KHDRBS3: variants seen among roughly 807,000 people sequenced by gnomAD.
KHDRBS3 encodes KH domain-containing, RNA-binding, signal transduction-associated protein 3.
Under a neutral mutation model 45.6 loss-of-function variants are expected in KHDRBS3, and 23 were observed. That is an observed-to-expected ratio of 0.50 (90% CI 0.36 to 0.72). The LOEUF is 0.72. Among genes scored for constraint, KHDRBS3 ranks in the 30% least tolerant of loss-of-function variants. KHDRBS3 has a pLI of 0.00. For synonymous variants in KHDRBS3, 162 were observed against 156.5 expected, an observed-to-expected ratio of 1.04 and a Z score of -0.26; for missense variants, 352 against 424.8, an observed-to-expected ratio of 0.83 and a Z score of 1.51.
chr8:135,475,978 C>A (rs76671906), intron 1 of KHDRBS3, among the ~76,000 whole-genome samples: 59 of 152,304 alleles, frequency 3.9e-4, no homozygotes, highest in Non-Finnish European at 7.5e-4. Flanking sequence ...TATGGAGTTA[C>A]TTTGTCTTGC....
chr8:135,460,951 A>G (rs1449515131), intron 1 of KHDRBS3, among the ~76,000 whole-genome samples: 1 of 152,220 alleles, frequency 6.6e-6, no homozygotes, highest in Admixed American at 6.5e-5. Context: ...GATGACAATA[A>G]GAGATATACT....
chr8:135,611,678 G>T (rs1829712138), intron 7 of KHDRBS3, among the ~76,000 whole-genome samples: 1 of 151,798 alleles, frequency 6.6e-6, no homozygotes, highest in African/African-American at 2.4e-5. Context: ...AGTCAGATTG[G>T]ATTAGAACCC....
chr8:135,538,504 A>C (rs148931051), intron 2 of KHDRBS3: 6 of 152,204 alleles, frequency 3.9e-5, no homozygotes, highest in African/African-American at 1.4e-4. Context: ...GGGTGGGGAG[A>C]TTTTGTAATC....
At chr8:135,650,250 G>T (rs1831401974), downstream of KHDRBS3, among the ~76,000 whole-genome samples, 1 of 152,084 alleles carries the variant, frequency 6.6e-6, no homozygotes, top group South Asian at 2.1e-4. Context: ...ACACAACTTT[G>T]CTATTGCCTG....
At chr8:135,630,466 A>G (rs1271867817) in intron 7 of KHDRBS3, among the ~76,000 whole-genome samples, 1 of 60,880 alleles carries the variant, frequency 1.6e-5, no homozygotes, top group Non-Finnish European at 3.6e-5. Context: ...TCTACCCACA[A>G]TGAGTTATAA....
chr8:135,546,202 C>T (rs1197873819), intron 3 of KHDRBS3, among the ~76,000 whole-genome samples: 1 of 151,356 alleles, frequency 6.6e-6, no homozygotes, highest in Non-Finnish European at 1.5e-5. Context: ...GTATTATAAT[C>T]AGATAGTCAC....
chr8:135,636,307 T>C (rs1208507066), intron 7 of KHDRBS3, among the ~76,000 whole-genome samples: 1 of 152,178 alleles, frequency 6.6e-6, no homozygotes, highest in African/African-American at 2.4e-5. Context: ...ATAGTTGAGA[T>C]TTAATAAAAT....
chr8:135,469,614 T>C (rs1384789599), intron 1 of KHDRBS3, among the ~76,000 whole-genome samples: 1 of 148,104 alleles, frequency 6.8e-6, no homozygotes, highest in Non-Finnish European at 1.5e-5. Context: ...CTGAAACGTC[T>C]GCCTCCCAGG....
chr8:135,570,287 A>G (rs1827639067), intron 5 of KHDRBS3, among the ~76,000 whole-genome samples: 1 of 152,220 alleles, frequency 6.6e-6, no homozygotes, highest in African/African-American at 2.4e-5. Context: ...TACATACTGA[A>G]TAGAAAAGTT....
chr8:135,489,253 G>A (rs1357313042), intron 1 of KHDRBS3, among the ~76,000 whole-genome samples: 3 of 151,964 alleles, frequency 2.0e-5, no homozygotes, highest in African/African-American at 7.3e-5. Context: ...TTTTTGTTTG[G>A]TTTTGTTCTA....
chr8:135,649,336 T>C (rs1477066691), downstream of KHDRBS3, among the ~76,000 whole-genome samples: 2 of 152,224 alleles, frequency 1.3e-5, no homozygotes, highest in Non-Finnish European at 2.9e-5. Context: ...GTGAAAATGA[T>C]GCTTATCCCA....
At chr8:135,608,391 A>T (rs1292461382) in intron 7 of KHDRBS3, among the ~76,000 whole-genome samples, 1 of 152,204 alleles carries the variant, frequency 6.6e-6, no homozygotes, top group Non-Finnish European at 1.5e-5. Context: ...TGCTGAGTGC[A>T]TACTATATTC....
intron 6 of KHDRBS3, among the ~76,000 whole-genome samples, chr8:135,603,353 TCATAAG>T (rs1829303968): frequency 6.6e-6 from 1 of 152,236 alleles, no homozygotes; most frequent in Admixed American, 6.5e-5. Context: ...TTCTTTTAAT[TCATAAG>T]AATTATTTGT....
intron 5 of KHDRBS3, among the ~76,000 whole-genome samples, chr8:135,579,701 G>A (rs150958099): frequency 5.1e-4 from 78 of 152,250 alleles, no homozygotes; most frequent in African/African-American, 1.6e-3. Context: ...GCCATTGGCC[G>A]CATGCTTTTT....
At chr8:135,535,111 T>C (rs1825669387) in intron 2 of KHDRBS3, among the ~76,000 whole-genome samples, 1 of 152,012 alleles carries the variant, frequency 6.6e-6, no homozygotes, top group African/African-American at 2.4e-5. Context: ...CAAGATAGCC[T>C]TAAAGTGGAA....
At chr8:135,574,519 A>G (rs2130898736) in intron 5 of KHDRBS3, among the ~76,000 whole-genome samples, 1 of 152,190 alleles carries the variant, frequency 6.6e-6, no homozygotes, top group African/African-American at 2.4e-5. Context: ...GAATATATAA[A>G]TGTATGTCTT....
chr8:135,471,458 C>T (rs7840162), intron 1 of KHDRBS3, among the ~76,000 whole-genome samples: 13,593 of 152,146 alleles, frequency 0.089, 1,030 homozygotes, highest in African/African-American at 0.21. Flanking sequence ...TGCTGGGATG[C>T]AGAGCAAGCT....
intron 7 of KHDRBS3, among the ~76,000 whole-genome samples, chr8:135,621,754 GC>G (rs1490204380): frequency 6.6e-6 from 1 of 151,810 alleles, no homozygotes; most frequent in Non-Finnish European, 1.5e-5. Context: ...GACTTGGTGT[GC>G]ATTGGTAGTG....
chr8:135,514,415 C>T (rs1055153786), intron 1 of KHDRBS3, among the ~76,000 whole-genome samples: 2 of 152,114 alleles, frequency 1.3e-5, no homozygotes, highest in Admixed American at 6.5e-5. Flanking sequence ...CATGCTGCCC[C>T]GTGGATGAGC....
Sources: allele counts gnomAD v4.1 joint callset (sites outside exome capture counted in the v4.1 genomes callset), GRCh38; gene constraint gnomAD v4.1.1; transcripts MANE v1.5; gene names NCBI Gene and HGNC (gene_info 2026-07-23, HGNC 2026-07-21).